The following RELB variants were observed in gnomAD, a reference collection of about 807,000 sequenced individuals.
RELB encodes RELB proto-oncogene, NF-kB subunit, also known as transcription factor RelB.
RELB carries 14 observed loss-of-function variants against 55.4 expected under a neutral mutation model. The observed-to-expected ratio is 0.25, with a 90% CI of 0.17 to 0.40. The LOEUF (loss-of-function observed/expected upper bound fraction) is 0.40, where lower values mean the gene tolerates loss of function less well. RELB is among the 10% of genes least tolerant of loss of function. The pLI, the probability that RELB is intolerant of heterozygous loss-of-function variation, is 1.00. For missense variants in RELB, 669 were observed against 830.7 expected, an observed-to-expected ratio of 0.81 and a Z score of 2.39; for synonymous variants, 409 against 371.3, an observed-to-expected ratio of 1.10 and a Z score of -1.17.
chr19:45,037,665 T>C lies in RELB; in HGVS notation c.1615T>C (p.Tyr539His), dbSNP rs1446712892. Reference protein sequence around the residue: ...PGPEPLTLDSYQAPGPGDGGT... With the variant: ...PGPEPLTLDSHQAPGPGDGGT... Reference sequence around the variant, plus strand: ...CCCTGAACCACTGACACTGGACTCGTACCAGGCCCCGGGCCCCGGGGATGG... The same window carrying C: ...CCCTGAACCACTGACACTGGACTCGCACCAGGCCCCGGGCCCCGGGGATGG... Residue 539 changes from tyrosine (Y) to histidine (H), a missense_variant, in exon 12 of 12, where the codon TAC becomes CAC. Tyr to His is a moderately conservative substitution (Grantham distance 83, BLOSUM62 2). Transcript: ENST00000221452. The C allele has an allele frequency of 6.3e-7, 1 of 1,579,746 alleles. No individual in the cohort carries two copies. Among genetic ancestry groups the C allele is most frequent in the Non-Finnish European group, 8.6e-7 (1 of 1,165,844 alleles).
At chr19:45,003,027 C>T (rs1210122091) in intron 2 of RELB, 31 bp downstream of exon 2, 5 of 1,605,300 alleles carry the variant, frequency 3.1e-6, no homozygotes, top group Non-Finnish European at 4.3e-6. Flanking sequence ...CCTGCCCACT[C>T]GCTCATGCAG....
chr19:45,015,114 G>A (rs546358995), intron 4 of RELB, among the ~76,000 whole-genome samples: 1 of 151,920 alleles, frequency 6.6e-6, no homozygotes, highest in African/African-American at 2.4e-5. Flanking sequence ...CATTGGCCAG[G>A]CTGATGTCAA....
intron 1 of RELB, among the ~76,000 whole-genome samples, chr19:45,002,541 C>G (rs1281939537): frequency 6.6e-6 from 1 of 152,064 alleles, no homozygotes. Context: ...TTACTAGAGA[C>G]GGGGTTTCAC....
Position 45,037,871 on chromosome 19 carries a change from C to T in RELB, c.*81C>T. 3 of 1,363,646 alleles carry T rather than the reference C, an allele frequency of 2.2e-6. No homozygotes were observed. The highest frequency in any genetic ancestry group is 2.9e-6 in the Non-Finnish European group (3 of 1,034,186). The allele number at this position is 1,363,646 out of a possible 1,614,324, so 84.5% of individuals were successfully genotyped here. ...AATCCCAACCAGGATGTCTAGCACC[C>T]CCATCCCCTTGGCCCTTCCTCATGC... On this transcript the variant is annotated 3_prime_UTR_variant, in exon 12 of 12. Coordinates refer to ENST00000221452, the MANE Select transcript of RELB (RefSeq NM_006509.4).
intron 4 of RELB, among the ~76,000 whole-genome samples, chr19:45,017,279 C>G (rs902219653): frequency 6.6e-6 from 1 of 152,062 alleles, no homozygotes; most frequent in Non-Finnish European, 1.5e-5. Context: ...TTGCTGCTGC[C>G]TGTGGCTGCT....
chr19:45,035,076 A>G (rs1971671570), intron 11 of RELB, among the ~76,000 whole-genome samples: 1 of 151,898 alleles, frequency 6.6e-6, no homozygotes, highest in African/African-American at 2.4e-5. Context: ...TCCTGACCTC[A>G]GGTGATCTGC....
chr19:45,020,559 T>TTC (rs1971471864), intron 4 of RELB, among the ~76,000 whole-genome samples: 1 of 140,440 alleles, frequency 7.1e-6, no homozygotes, highest in Non-Finnish European at 1.5e-5. Flanking sequence ...CCATCTTTTT[T>TTC]TTTTTTTTTT....
At chr19:45,002,341 T>G (rs1971223195) in intron 1 of RELB, among the ~76,000 whole-genome samples, 1 of 152,128 alleles carries the variant, frequency 6.6e-6, no homozygotes, top group Admixed American at 6.5e-5. Context: ...GAGGATGTTT[T>G]TTTTTGTTTG....
chr19:45,032,017 C>T (rs1971627902), intron 8 of RELB, among the ~76,000 whole-genome samples: 1 of 151,590 alleles, frequency 6.6e-6, no homozygotes, highest in Non-Finnish European at 1.5e-5. Flanking sequence ...GCGGGCAGAT[C>T]ACGAGGTCAG....
At chr19:45,025,767 T>C (rs770017922) in intron 7 of RELB, 30 bp downstream of exon 7, 6 of 1,613,394 alleles carry the variant, frequency 3.7e-6, no homozygotes, top group Admixed American at 1.7e-5. Context: ...GCCGTTAGGA[T>C]TGCCCTTGGC....
Position 45,006,291 on chromosome 19 carries a change from G to A in RELB, c.154+3295G>A, listed in dbSNP as rs897244182. On this transcript the variant is annotated intron_variant, in intron 2 of 11. Coordinates refer to ENST00000221452, the MANE Select transcript of RELB (RefSeq NM_006509.4). The stretch of plus-strand genomic sequence containing the variant: ...GTGATCTAGGCTTACTGCAACCTCC[G>A]ACTCCCGGGTTCAAGCCATCCTCCT... Among the ~76,000 whole-genome samples the A allele has an allele frequency of 7.9e-5, 12 of 152,114 alleles. No homozygotes were observed. The South Asian group carries it at 2.3e-3, about 29-fold the overall frequency.
chr19:45,011,810 GAGA>G (rs1971360011), intron 3 of RELB, 123 bp from the exon 4 acceptor site: 1 of 78,178 alleles, frequency 1.3e-5, no homozygotes, highest in African/African-American at 1.2e-4. Flanking sequence ...GAGAGAGAGA[GAGA>G]GAGAGAGAGA....
intron 11 of RELB, 79 bp from the exon 12 acceptor site, chr19:45,037,326 G>A (rs1225149446): frequency 2.8e-6 from 4 of 1,410,796 alleles, no homozygotes; most frequent in East Asian, 5.2e-5. Flanking sequence ...ATTTTGCAGG[G>A]AGTAGGGCAT....
chr19:45,011,741 C>T (rs2122411042), intron 3 of RELB, among the ~76,000 whole-genome samples, 195 bp from the exon 4 acceptor site: 1 of 131,564 alleles, frequency 7.6e-6, no homozygotes, highest in South Asian at 2.5e-4. Flanking sequence ...GCCACCGCAC[C>T]TGGCCTCCCT....
intron 10 of RELB, 55 bp from the exon 11 acceptor site, chr19:45,034,396 G>C (rs1971662460): frequency 3.7e-6 from 6 of 1,605,004 alleles, no homozygotes; most frequent in Non-Finnish European, 4.3e-6. Flanking sequence ...CCCACCCCAG[G>C]CTGGGGAGGA....
chr19:45,011,830 G>GAGAGAGAGAGAGAGAT, intron 3 of RELB, 106 bp from the exon 4 acceptor site: 1 of 413,820 alleles, frequency 2.4e-6, no homozygotes. Context: ...GAGAGAGAGA[G>GAGAGAGAGAGAGAGAT]AGAGATAAAT....
chr19:45,016,045 C>A (rs573741999), intron 4 of RELB, among the ~76,000 whole-genome samples: 3 of 151,850 alleles, frequency 2.0e-5, no homozygotes, highest in Non-Finnish European at 4.4e-5. Context: ...GTCACCCAGG[C>A]TGGAGTGCAG....
Position 45,002,952 on chromosome 19 carries a change from C to T in RELB, c.110C>T (p.Ser37Phe), listed in dbSNP as rs1377298940. ...PAAPELGALGSPDLSSLSLAV... is the reference protein window; with the variant it reads ...PAAPELGALGFPDLSSLSLAV... ...AGACGTTTCTCCTTCTCTGCAGGGT[C>T]CCCCGACCTCTCCTCACTCTCGCTC... The change falls in exon 2 of 12, where the codon TCC becomes TTC. Residue 37 changes from serine to phenylalanine, a missense_variant. Ser to Phe is a radical substitution (Grantham distance 155, BLOSUM62 -2). Transcript: ENST00000221452. The T allele has an allele frequency of 6.8e-6, 11 of 1,613,220 alleles. No homozygotes were observed. The highest frequency in any genetic ancestry group is 8.5e-6 in the Non-Finnish European group (10 of 1,179,596).
In RELB at chr19:45,028,883, C is replaced by G. The variant is rs765957520; in HGVS notation, c.887-5C>G. 2.5e-6 allele frequency: 4 copies of G among 1,583,046 alleles called. No individual in the cohort carries two copies. In the African/African-American group the frequency reaches 5.4e-5, roughly 21 times the overall value. On this transcript the variant is annotated splice_region_variant and splice_polypyrimidine_tract_variant and intron_variant, in intron 7 of 11. Transcript: ENST00000221452. ...AATACACTTCTTCCTCTTGCTCCTT[C>G]CCAGAATCCACAAACACATCAGAGC... is the stretch of plus-strand genomic sequence containing the variant.
Sources: gnomAD v4.1 joint callset for allele counts (sites outside exome capture counted in the v4.1 genomes callset) on GRCh38, gnomAD v4.1.1 for gene constraint, MANE v1.5 for transcripts, NCBI Gene and HGNC (gene_info 2026-07-23, HGNC 2026-07-21) for gene names.